The following RERG variants were observed in gnomAD, a reference collection of about 807,000 sequenced individuals.
The protein encoded by RERG is ras-related and estrogen-regulated growth inhibitor.
In RERG, 25 loss-of-function variants were observed where a neutral mutation model predicts 23.2. The ratio of observed to expected loss-of-function variants is 1.08; its 90% CI spans 0.79 to 1.50. RERG has a LOEUF of 1.50. RERG is among the 40% of genes most tolerant of loss of function. RERG has a pLI of 0.00. For synonymous variants in RERG, 81 were observed against 89.1 expected (o/e 0.91, Z 0.51); for missense variants, 253 against 250.1 (o/e 1.01, Z -0.08).
At chr12:15,187,893 C>T (rs140901417) in intron 2 of RERG, among the ~76,000 whole-genome samples, 1 of 152,094 alleles carries the variant, frequency 6.6e-6, no homozygotes, top group African/African-American at 2.4e-5. Context: ...AGATGAATTA[C>T]AGACTTTATT....
chr12:15,109,663 C>T (rs1312407141), intron 4 of RERG, 146 bp from the exon 5 acceptor site: 6 of 606,380 alleles, frequency 9.9e-6, no homozygotes, highest in Non-Finnish European at 1.4e-5. Flanking sequence ...TACAAACTTT[C>T]TAAATAATTT....
intron 2 of RERG, among the ~76,000 whole-genome samples, chr12:15,186,570 AGGAAGAAGAGAAGGT>A (rs1169726871): frequency 6.6e-6 from 1 of 152,066 alleles, no homozygotes; most frequent in African/African-American, 2.4e-5. Context: ...GAAGAGGAGG[AGGAAGAAGAGAAGGT>A]GGAAGAAGAG....
intron 2 of RERG, among the ~76,000 whole-genome samples, chr12:15,214,323 C>T (rs1383119982): frequency 1.3e-5 from 2 of 152,016 alleles, no homozygotes; most frequent in Non-Finnish European, 2.9e-5. Context: ...CCAAAGTTGC[C>T]AAGTTCACAG....
chr12:15,208,034 G>C (rs1565538206), intron 2 of RERG, among the ~76,000 whole-genome samples: 1 of 152,100 alleles, frequency 6.6e-6, no homozygotes, highest in Non-Finnish European at 1.5e-5. Context: ...TAGACTAGTG[G>C]TAGTAAAGGA....
At chr12:15,182,197 T>C (rs1225993611) in intron 2 of RERG, among the ~76,000 whole-genome samples, 4 of 151,918 alleles carry the variant, frequency 2.6e-5, no homozygotes, top group Non-Finnish European at 5.9e-5. Flanking sequence ...TAGCTGGGAT[T>C]ACAGGCATGT....
intron 2 of RERG, among the ~76,000 whole-genome samples, chr12:15,146,656 T>C (rs574026033): frequency 6.6e-6 from 1 of 152,296 alleles, no homozygotes; most frequent in East Asian, 1.9e-4. Flanking sequence ...TGTACTATAG[T>C]GTAAGGTGCA....
chr12:15,139,793 C>T (rs1487749742), intron 2 of RERG, among the ~76,000 whole-genome samples: 8 of 152,036 alleles, frequency 5.3e-5, no homozygotes, highest in Non-Finnish European at 8.8e-5. Flanking sequence ...TCCCAATCTG[C>T]GTATCTTTAT....
chr12:15,196,208 A>G (rs1053888483), intron 2 of RERG, among the ~76,000 whole-genome samples: 1 of 152,190 alleles, frequency 6.6e-6, no homozygotes, highest in African/African-American at 2.4e-5. Flanking sequence ...GAAAGCAGTC[A>G]GGTAATATCT....
At chr12:15,201,742 AATT>A (rs1440275834) in intron 2 of RERG, among the ~76,000 whole-genome samples, 5 of 151,264 alleles carry the variant, frequency 3.3e-5, no homozygotes, top group Admixed American at 1.3e-4. Context: ...AGCTAATATT[AATT>A]ATTAGTAATT....
At chr12:15,110,674 T>G (rs1346406235) in intron 4 of RERG, among the ~76,000 whole-genome samples, 2 of 151,776 alleles carry the variant, frequency 1.3e-5, no homozygotes, top group Non-Finnish European at 2.9e-5. Context: ...GAGACGGGAT[T>G]TCACCATGTT....
Position 15,144,689 on chromosome 12 carries a change from C to A in RERG, c.62-23570G>T, listed in dbSNP as rs189540114. On this transcript the variant is annotated intron_variant, in intron 2 of 4. Transcript: ENST00000256953. ...GGCTTAAGAGAATAGGGAGGGGTGG[C>A]AATGCAGAGAGTCAATCTAGGCTTT... 1.2e-3 allele frequency among the ~76,000 whole-genome samples: 183 copies of A among 152,240 alleles called. 1 individual carries two copies. Among genetic ancestry groups the A allele is most frequent in the Admixed American group, 3.1e-3 (47 of 15,298 alleles).
chr12:15,180,459 T>G (rs889547671), intron 2 of RERG, among the ~76,000 whole-genome samples: 2 of 152,014 alleles, frequency 1.3e-5, no homozygotes, highest in African/African-American at 4.8e-5. Context: ...GGCTCTGACA[T>G]GAAAACAAGC....
intron 4 of RERG, among the ~76,000 whole-genome samples, chr12:15,109,845 C>T (rs897140658): frequency 6.6e-6 from 1 of 152,148 alleles, no homozygotes; most frequent in African/African-American, 2.4e-5. Context: ...ACTTTTGAGA[C>T]TTTTCATCAC....
chr12:15,161,679 A>G, intron 2 of RERG, among the ~76,000 whole-genome samples: 1 of 152,178 alleles, frequency 6.6e-6, no homozygotes, highest in African/African-American at 2.4e-5. Flanking sequence ...CTGGACTTGA[A>G]CCATACACAA....
At chr12:15,192,946 A>C (rs547429387) in intron 2 of RERG, among the ~76,000 whole-genome samples, 1 of 152,256 alleles carries the variant, frequency 6.6e-6, no homozygotes, top group African/African-American at 2.4e-5. Context: ...TCTCATTCCT[A>C]GCTATGCTAA....
At chr12:15,180,969 C>T (rs1864915584) in intron 2 of RERG, among the ~76,000 whole-genome samples, 2 of 152,210 alleles carry the variant, frequency 1.3e-5, no homozygotes, top group Non-Finnish European at 2.9e-5. Context: ...TGATTAATAG[C>T]AGCAATTCTA....
At chr12:15,133,409 C>G (rs1272426167) in intron 2 of RERG, among the ~76,000 whole-genome samples, 2 of 151,906 alleles carry the variant, frequency 1.3e-5, no homozygotes, top group East Asian at 1.9e-4. Flanking sequence ...CACGTTTTTT[C>G]ATGGCTTGAG....
At chr12:15,167,138 A>G (rs115124850) in intron 2 of RERG, among the ~76,000 whole-genome samples, 2,230 of 152,308 alleles carry the variant, frequency 0.015, 54 homozygotes, top group African/African-American at 0.05. Flanking sequence ...ACTGAGGGTT[A>G]ATCTGACTTG....
At chr12:15,195,209 C>A (rs2136137129) in intron 2 of RERG, among the ~76,000 whole-genome samples, 1 of 152,114 alleles carries the variant, frequency 6.6e-6, no homozygotes, top group South Asian at 2.1e-4. Flanking sequence ...GAGGAGATTT[C>A]CAAAATGCCT....
Sources: gnomAD v4.1 joint callset for allele counts (sites outside exome capture counted in the v4.1 genomes callset) on GRCh38, gnomAD v4.1.1 for gene constraint, MANE v1.5 for transcripts, NCBI Gene and HGNC (gene_info 2026-07-23, HGNC 2026-07-21) for gene names.